Variants in ZNF521 observed in about 807,000 individuals in gnomAD.
ZNF521 encodes the protein LYST-interacting protein 3.
ZNF521 carries 14 observed loss-of-function variants against 105.5 expected under a neutral mutation model. The observed-to-expected ratio is 0.13, with a 90% CI of 0.09 to 0.21. The LOEUF (loss-of-function observed/expected upper bound fraction) is 0.21. Among genes scored for constraint, ZNF521 ranks in the 10% least tolerant of loss-of-function variants. The pLI is 1.00. For synonymous variants in ZNF521, 635 were observed against 606.0 expected (o/e 1.05, Z -0.70); for missense variants, 1,233 against 1,629.7 (o/e 0.76, Z 4.19).
chr18:25,127,127 T>G (rs1352537550), intron 5 of ZNF521, among the ~76,000 whole-genome samples: 2 of 151,980 alleles, frequency 1.3e-5, no homozygotes, highest in East Asian at 3.8e-4. Context: ...GGAAATATGA[T>G]GTGGAAGCTG....
At chr18:25,176,496 C>T (rs1600121206) in intron 5 of ZNF521, among the ~76,000 whole-genome samples, 1 of 152,174 alleles carries the variant, frequency 6.6e-6, no homozygotes, top group East Asian at 1.9e-4. Context: ...TCCCTTGATG[C>T]CAGGCATTCA....
At chr18:25,141,078 C>T (rs747849682) in intron 5 of ZNF521, among the ~76,000 whole-genome samples, 1 of 152,066 alleles carries the variant, frequency 6.6e-6, no homozygotes, top group South Asian at 2.1e-4. Context: ...AGAAGCAGAT[C>T]GAAAGAAAAG....
At chr18:25,184,424 T>A (rs1230625910) in intron 5 of ZNF521, among the ~76,000 whole-genome samples, 1 of 152,204 alleles carries the variant, frequency 6.6e-6, no homozygotes, top group African/African-American at 2.4e-5. Context: ...ACAATGATTA[T>A]CTGTCCTCCC....
intron 5 of ZNF521, among the ~76,000 whole-genome samples, chr18:25,191,289 T>C (rs749210804): frequency 2.0e-5 from 3 of 152,162 alleles, no homozygotes; most frequent in Non-Finnish European, 2.9e-5. Flanking sequence ...TCCATGAACT[T>C]TGAAAGGGAG....
chr18:25,180,587 C>T lies in ZNF521; in HGVS notation c.3658+14573G>A, dbSNP rs146268050. On this transcript the variant is annotated intron_variant, in intron 5 of 7. Transcript: ENST00000361524. ...TGGCATCTATCATAAGTGCAGAGAACGTCTGAAGGATTTAGAAGCAATCTT... is the reference window on the plus strand; with the variant it reads ...TGGCATCTATCATAAGTGCAGAGAATGTCTGAAGGATTTAGAAGCAATCTT... 9.1e-4 allele frequency among the ~76,000 whole-genome samples: 138 copies of T among 151,708 alleles called. 2 individuals are homozygous for T. Among genetic ancestry groups the T allele is most frequent in the African/African-American group, 3.2e-3 (131 of 41,384 alleles).
intron 3 of ZNF521, among the ~76,000 whole-genome samples, chr18:25,318,229 G>A (rs899935152): frequency 1.3e-4 from 20 of 152,170 alleles, no homozygotes; most frequent in South Asian, 6.3e-4. Flanking sequence ...AAGGGTGCAC[G>A]CCGTACAATT....
At chr18:25,291,024 G>T (rs1333077926) in intron 3 of ZNF521, among the ~76,000 whole-genome samples, 1 of 152,016 alleles carries the variant, frequency 6.6e-6, no homozygotes, top group South Asian at 2.1e-4. Context: ...GCCAGTAACG[G>T]AACTACTGTT....
intron 3 of ZNF521, among the ~76,000 whole-genome samples, chr18:25,244,163 C>T (rs565852665): frequency 6.6e-6 from 1 of 152,250 alleles, no homozygotes; most frequent in South Asian, 2.1e-4. Context: ...TCCTGCTCCA[C>T]CAGATGCAGG....
intron 3 of ZNF521, among the ~76,000 whole-genome samples, chr18:25,272,761 G>A (rs1048759876): frequency 3.9e-5 from 6 of 151,956 alleles, no homozygotes; most frequent in African/African-American, 1.5e-4. Flanking sequence ...GGGGCCTGTT[G>A]TGGGTTGGGG....
chr18:25,322,809 C>T (rs1194882308), intron 2 of ZNF521, among the ~76,000 whole-genome samples: 3 of 151,964 alleles, frequency 2.0e-5, no homozygotes, highest in East Asian at 3.9e-4. Flanking sequence ...CTCTTGTTTT[C>T]AAAATTATCC....
intron 7 of ZNF521, among the ~76,000 whole-genome samples, chr18:25,088,354 TAC>T (rs1264252639): frequency 2.0e-5 from 3 of 151,808 alleles, no homozygotes; most frequent in Non-Finnish European, 4.4e-5. Flanking sequence ...TAGCTGGGAC[TAC>T]AGCCGCCCGC....
chr18:25,211,886 CAT>C (rs1254173478), intron 4 of ZNF521, among the ~76,000 whole-genome samples: 1 of 152,154 alleles, frequency 6.6e-6, no homozygotes, highest in Admixed American at 6.5e-5. Context: ...AATTTTTATA[CAT>C]GTCAGTAGAG....
intron 4 of ZNF521, among the ~76,000 whole-genome samples, chr18:25,209,409 C>T (rs933091361): frequency 6.6e-6 from 1 of 151,988 alleles, no homozygotes; most frequent in African/African-American, 2.4e-5. Flanking sequence ...TGGCGCCCGG[C>T]CAAGTTTCTA....
intron 5 of ZNF521, among the ~76,000 whole-genome samples, chr18:25,142,493 G>A (rs947030129): frequency 1.3e-5 from 2 of 152,062 alleles, no homozygotes; most frequent in African/African-American, 2.4e-5. Flanking sequence ...ATTAACACAC[G>A]ACCTAATTCT....
chr18:25,330,468 G>C (rs926205455), intron 2 of ZNF521, among the ~76,000 whole-genome samples: 1 of 152,130 alleles, frequency 6.6e-6, no homozygotes, highest in African/African-American at 2.4e-5. Flanking sequence ...CCAGCCACCA[G>C]CTAACTTTTT....
rs762964189 is a variant in ZNF521 at position 25,227,174 on chromosome 18, G to A, written c.744C>T (p.Cys248=). Reference sequence around the variant, plus strand: ...AGTCAAAGCCTTCCTCACACTGACTGCACTTCTGAGTGTCCTTCATCTTCC... The same window carrying A: ...AGTCAAAGCCTTCCTCACACTGACTACACTTCTGAGTGTCCTTCATCTTCC... ...EDWKMKDTQK[C]SQCEEGFDFP... The change falls in exon 4 of 8, where the codon TGC becomes TGT. Residue 248 remains cysteine, a synonymous_variant. Coordinates refer to ENST00000361524, the MANE Select transcript of ZNF521 (RefSeq NM_015461.3). The surrounding 1 kb of genome is among the most constrained non-coding windows in gnomAD (Gnocchi z 5.7). 5 of 1,613,998 alleles carry A rather than the reference G, an allele frequency of 3.1e-6. No individual in the cohort carries two copies. Among genetic ancestry groups the A allele is most frequent in the Non-Finnish European group, 4.2e-6 (5 of 1,180,008 alleles).
At chr18:25,303,297 TGTGTGTGTGTGTGAGAGA>T (rs1432273373) in intron 3 of ZNF521, among the ~76,000 whole-genome samples, 18 of 112,578 alleles carry the variant, frequency 1.6e-4, no homozygotes, top group Admixed American at 8.0e-4. Context: ...TGTGTGTGTG[TGTGTGTGTGTGTGAGAGA>T]GAGACGGAGT....
At chr18:25,149,562 T>C (rs1411153620) in intron 5 of ZNF521, among the ~76,000 whole-genome samples, 1 of 152,192 alleles carries the variant, frequency 6.6e-6, no homozygotes, top group East Asian at 1.9e-4. Flanking sequence ...CTGAGTTACA[T>C]GGAAGAGCTG....
At chr18:25,336,359 TCTG>T (rs1455464663) in intron 2 of ZNF521, among the ~76,000 whole-genome samples, 1 of 152,204 alleles carries the variant, frequency 6.6e-6, no homozygotes, top group East Asian at 1.9e-4. Flanking sequence ...TATTAATAAA[TCTG>T]CTATGATTAA....
Sources: gnomAD v4.1 joint callset for allele counts (sites outside exome capture counted in the v4.1 genomes callset) on GRCh38, gnomAD v4.1.1 for gene constraint, Gnocchi (gnomAD v3.1) non-coding constraint, MANE v1.5 for transcripts, NCBI Gene and HGNC (gene_info 2026-07-23, HGNC 2026-07-21) for gene names.